The following ILRUN variants were observed in gnomAD, a reference collection of about 807,000 sequenced individuals.
ILRUN encodes the protein inflammation and lipid regulator with UBA-like and NBR1-like domains.
ILRUN carries 3 observed loss-of-function variants against 33.8 expected under a neutral mutation model. That is an observed-to-expected ratio of 0.09 (90% CI 0.04 to 0.23). ILRUN has a LOEUF of 0.23. Among genes scored for constraint, ILRUN ranks in the 10% least tolerant of loss-of-function variants. ILRUN has a pLI of 1.00. For synonymous variants in ILRUN, 124 were observed against 138.9 expected (o/e 0.89, Z 0.75); for missense variants, 210 against 375.1 (o/e 0.56, Z 3.64).
intron 1 of ILRUN, among the ~76,000 whole-genome samples, chr6:34,690,312 T>C (rs1448630401): frequency 1.3e-5 from 2 of 151,960 alleles, no homozygotes; most frequent in Non-Finnish European, 2.9e-5. Flanking sequence ...AATACAAAGA[T>C]TAGCCAGGCG....
intron 4 of ILRUN, among the ~76,000 whole-genome samples, chr6:34,598,552 T>C (rs187821457): frequency 4.1e-4 from 62 of 152,220 alleles, no homozygotes; most frequent in African/African-American, 1.3e-3. Context: ...ATAACCAAAA[T>C]AAAACATGCT....
chr6:34,626,632 CA>C, intron 3 of ILRUN, among the ~76,000 whole-genome samples: 1 of 152,312 alleles, frequency 6.6e-6, no homozygotes, highest in Middle Eastern at 3.4e-3. Flanking sequence ...CACCAAAAGT[CA>C]ATAGTTTATG....
At chr6:34,595,663 A>C in intron 4 of ILRUN, 2 of 667,172 alleles carry the variant, frequency 3.0e-6, no homozygotes, top group Non-Finnish European at 3.7e-6. Flanking sequence ...CTCTTTCTGT[A>C]TACGAAAGCT....
chr6:34,654,891 C>T (rs1762739225), intron 1 of ILRUN, 112 bp from the exon 2 acceptor site: 1 of 1,001,204 alleles, frequency 1.0e-6, no homozygotes, highest in Admixed American at 2.8e-5. Context: ...ACCTGAGGCT[C>T]CTGGTATACA....
chr6:34,625,846 C>CTTTTT (rs58219612), intron 3 of ILRUN, among the ~76,000 whole-genome samples: 10 of 114,244 alleles, frequency 8.8e-5, no homozygotes, highest in Non-Finnish European at 1.4e-4. Context: ...TATTGAAAGG[C>CTTTTT]TTTTTTTTTT....
At chr6:34,619,622 G>A (rs1044485722) in intron 3 of ILRUN, among the ~76,000 whole-genome samples, 1 of 152,080 alleles carries the variant, frequency 6.6e-6, no homozygotes, top group African/African-American at 2.4e-5. Flanking sequence ...TACAAAGTGC[G>A]GGGAAGACAG....
intron 3 of ILRUN, among the ~76,000 whole-genome samples, chr6:34,610,886 C>T (rs530074166): frequency 5.5e-4 from 84 of 152,148 alleles, no homozygotes; most frequent in African/African-American, 2.0e-3. Context: ...GACTAATAAC[C>T]TACCACCACC....
At chr6:34,670,781 G>A (rs978759576) in intron 1 of ILRUN, among the ~76,000 whole-genome samples, 1 of 150,204 alleles carries the variant, frequency 6.7e-6, no homozygotes, top group Non-Finnish European at 1.5e-5. Context: ...ACTTGAACCC[G>A]GGAGGCAGAG....
intron 3 of ILRUN, chr6:34,616,558 G>A: frequency 7.0e-7 from 1 of 1,436,724 alleles, no homozygotes; most frequent in Non-Finnish European, 9.7e-7. Flanking sequence ...TCGAAGAGAA[G>A]AAGGTTCCTG....
chr6:34,695,462 A>C (rs1763744810), intron 1 of ILRUN, among the ~76,000 whole-genome samples: 1 of 152,226 alleles, frequency 6.6e-6, no homozygotes, highest in African/African-American at 2.4e-5. Flanking sequence ...CAACGACAGC[A>C]AGTGCTACTT....
At chr6:34,602,254 TA>T (rs548676784) in intron 4 of ILRUN, among the ~76,000 whole-genome samples, 1 of 152,168 alleles carries the variant, frequency 6.6e-6, no homozygotes, top group Non-Finnish European at 1.5e-5. Context: ...GTAGCTGTCC[TA>T]AAGAACAGCC....
intron 1 of ILRUN, among the ~76,000 whole-genome samples, chr6:34,680,127 T>C (rs1026090162): frequency 6.6e-6 from 1 of 152,264 alleles, no homozygotes; most frequent in African/African-American, 2.4e-5. Context: ...TATGTTTGAA[T>C]TCCATTTCCA....
chr6:34,696,657 G>T lies in ILRUN; in HGVS notation c.-54C>A, dbSNP rs949668953. On this transcript the variant is annotated 5_prime_UTR_variant, in exon 1 of 5. Transcript: ENST00000374023. ...CTCTTCACAACCAAGCCGCCGCCGC[G>T]CCGCCGGGCCCGGGGACCTGGAGGG... The T allele has an allele frequency of 1.2e-3, 1,828 of 1,564,088 alleles. 8 individuals are homozygous for T. The highest frequency in any genetic ancestry group is 8.2e-3 in the Middle Eastern group (48 of 5,878).
At chr6:34,607,738 G>A (rs1462142342) in intron 3 of ILRUN, among the ~76,000 whole-genome samples, 1 of 152,138 alleles carries the variant, frequency 6.6e-6, no homozygotes, top group Non-Finnish European at 1.5e-5. Flanking sequence ...GCATGTTACT[G>A]TACTGTTACT....
chr6:34,659,027 T>C (rs564487286), intron 1 of ILRUN, among the ~76,000 whole-genome samples: 2 of 152,334 alleles, frequency 1.3e-5, no homozygotes, highest in South Asian at 4.1e-4. Flanking sequence ...GAACGAGCAT[T>C]TACCCTTGTG....
rs3044899 is a variant in ILRUN at position 34,676,998 on chromosome 6, TAAAAA to T, written c.158+19443_158+19447del. On this transcript the variant is annotated intron_variant, in intron 1 of 4. Coordinates refer to ENST00000374023, the MANE Select transcript of ILRUN (RefSeq NM_024294.4). ...AAATACATGGGTTTTATGTCACAAT[TAAAAA>T]AAAAAAAAAAAAAGAATTGAAGGCT... 4.2e-3 allele frequency among the ~76,000 whole-genome samples: 548 copies of T among 131,260 alleles called. 5 individuals carry two copies. The highest frequency in any genetic ancestry group is 0.012 in the African/African-American group (452 of 37,246). 86.1% of individuals were successfully genotyped at this position (131,260 alleles called of 152,430 possible). A position where few individuals can be genotyped will look rare whatever the true frequency, so the allele number is the denominator to read the frequency against.
intron 4 of ILRUN, among the ~76,000 whole-genome samples, chr6:34,604,838 A>T (rs2127319000): frequency 6.6e-6 from 1 of 152,312 alleles, no homozygotes; most frequent in African/African-American, 2.4e-5. Flanking sequence ...CCAATAAATT[A>T]ATCCTTCATT....
chr6:34,630,908 C>T (rs1762232280), intron 3 of ILRUN, among the ~76,000 whole-genome samples: 1 of 152,160 alleles, frequency 6.6e-6, no homozygotes, highest in Non-Finnish European at 1.5e-5. Flanking sequence ...TCAGTTGTGT[C>T]CAGTCACTAA....
chr6:34,690,740 G>A (rs1421977384), intron 1 of ILRUN, among the ~76,000 whole-genome samples: 1 of 151,958 alleles, frequency 6.6e-6, no homozygotes, highest in Non-Finnish European at 1.5e-5. Flanking sequence ...CACCTCCAAG[G>A]AGGACAAACA....
Sources: allele counts gnomAD v4.1 joint callset (sites outside exome capture counted in the v4.1 genomes callset), GRCh38; gene constraint gnomAD v4.1.1; transcripts MANE v1.5; gene names NCBI Gene and HGNC (gene_info 2026-07-23, HGNC 2026-07-21).